The following MIX23 variants were observed in gnomAD, a reference collection of about 807,000 sequenced individuals.
MIX23 encodes mitochondrial matrix import factor 23, also known as protein MIX23.
In MIX23, 13 loss-of-function variants were observed where a neutral mutation model predicts 21.6. That is an observed-to-expected ratio of 0.60 (90% CI 0.39 to 0.96). The LOEUF (loss-of-function observed/expected upper bound fraction) is 0.96, where lower values mean the gene tolerates loss of function less well. Among genes scored for constraint, MIX23 ranks in the 40% least tolerant of loss-of-function variants. The probability of loss-of-function intolerance (pLI) is 0.00; values close to 1 mark genes in which losing one functional copy is unlikely to be tolerated. For missense variants in MIX23, 144 were observed against 171.2 expected, an observed-to-expected ratio of 0.84 and a Z score of 0.89; for synonymous variants, 59 against 58.0, an observed-to-expected ratio of 1.02 and a Z score of -0.08.
At chr3:122,377,961 G>A (rs1156680937) in intron 1 of MIX23, among the ~76,000 whole-genome samples, 1 of 152,204 alleles carries the variant, frequency 6.6e-6, no homozygotes, top group African/African-American at 2.4e-5. Context: ...GACTGAAAAG[G>A]TAATGTGGCT....
chr3:122,360,226 C>T (rs1329648777), intron 4 of MIX23, among the ~76,000 whole-genome samples: 1 of 152,132 alleles, frequency 6.6e-6, no homozygotes, highest in Non-Finnish European at 1.5e-5. Context: ...ATATTCTGGA[C>T]ATTTTTTAAA....
chr3:122,374,564 T>C (rs1170392274), intron 1 of MIX23, among the ~76,000 whole-genome samples: 1 of 152,122 alleles, frequency 6.6e-6, no homozygotes, highest in Non-Finnish European at 1.5e-5. Context: ...ACAAGAAAAA[T>C]GTCTGTACAT....
At chr3:122,383,098 C>T in intron 1 of MIX23, 76 bp downstream of exon 1, 1 of 1,535,810 alleles carries the variant, frequency 6.5e-7, no homozygotes, top group Non-Finnish European at 9.0e-7. Flanking sequence ...CTGGTTCATA[C>T]TCCCTCGCAA....
intron 1 of MIX23, among the ~76,000 whole-genome samples, chr3:122,374,504 A>C (rs1377916684): frequency 6.6e-6 from 1 of 152,226 alleles, no homozygotes; most frequent in African/African-American, 2.4e-5. Flanking sequence ...ATACAATATA[A>C]ATGCTATGTA....
At chr3:122,370,707 C>G (rs1222898050) in intron 2 of MIX23, among the ~76,000 whole-genome samples, 2 of 152,110 alleles carry the variant, frequency 1.3e-5, no homozygotes, top group East Asian at 3.9e-4. Context: ...GTTCTTCAGA[C>G]AGAGGTACCC....
intron 2 of MIX23, 38 bp downstream of exon 2, chr3:122,371,637 G>T: frequency 6.2e-7 from 1 of 1,606,670 alleles, no homozygotes; most frequent in African/African-American, 1.3e-5. Flanking sequence ...TGCAAAGAAA[G>T]GCATGAAAGA....
intron 3 of MIX23, among the ~76,000 whole-genome samples, chr3:122,367,568 G>A (rs1367682060): frequency 6.6e-6 from 1 of 152,206 alleles, no homozygotes; most frequent in African/African-American, 2.4e-5. Context: ...TGCAGGGATA[G>A]GGGAGGAAAT....
intron 3 of MIX23, among the ~76,000 whole-genome samples, chr3:122,363,396 A>G (rs1430032836): frequency 2.6e-5 from 4 of 151,906 alleles, no homozygotes; most frequent in African/African-American, 9.7e-5. Flanking sequence ...CAGAATGAAT[A>G]AGTTTGATAA....
At chr3:122,368,034 C>A in intron 3 of MIX23, 142 bp downstream of exon 3, 1 of 686,176 alleles carries the variant, frequency 1.5e-6, no homozygotes, top group Non-Finnish European at 2.5e-6. Flanking sequence ...ATAAAGCTCA[C>A]TAAAAATGAA....
chr3:122,363,738 C>T (rs776764602), intron 3 of MIX23, among the ~76,000 whole-genome samples: 6 of 151,744 alleles, frequency 4.0e-5, no homozygotes, highest in Non-Finnish European at 7.4e-5. Flanking sequence ...AGTCAGAGGT[C>T]TCAGGCTAAA....
intron 1 of MIX23, among the ~76,000 whole-genome samples, chr3:122,373,277 T>A (rs926102851): frequency 4.6e-4 from 51 of 110,518 alleles, no homozygotes; most frequent in Non-Finnish European, 9.6e-4. Context: ...GTCTTGAAAG[T>A]TTTTTTTTTT....
At chr3:122,371,143 A>AG (rs1225913640) in intron 2 of MIX23, among the ~76,000 whole-genome samples, 1 of 152,232 alleles carries the variant, frequency 6.6e-6, no homozygotes, top group Non-Finnish European at 1.5e-5. Context: ...AGAGAAATAA[A>AG]GGGGGGCAAT....
rs762923465 is a variant in MIX23 at position 122,368,290 on chromosome 3, G to T, written c.210C>A (p.Val70=). 4 of 1,606,296 alleles carry T rather than the reference G, an allele frequency of 2.5e-6. No homozygotes were observed. In the African/African-American group the frequency reaches 4.1e-5, roughly 16 times the overall value. The stretch of plus-strand genomic sequence containing the variant: ...AAGTCTGGGCTATACAGTTTTTTAT[G>T]ACTCTGTCTCTACTGGCATGAGCTG... The part of the protein sequence containing the change: ...LMAAHASRDR[V]IKNCIAQTSA... Residue 70 remains valine, a synonymous_variant, in exon 3 of 5, where the codon GTC becomes GTA. Transcript: ENST00000291458.
At chr3:122,368,108 A>G (rs2075410497) in intron 3 of MIX23, 68 bp downstream of exon 3, 1 of 1,503,134 alleles carries the variant, frequency 6.7e-7, no homozygotes, top group Admixed American at 1.8e-5. Flanking sequence ...TTTCATATTA[A>G]AAATCTTACT....
intron 2 of MIX23, among the ~76,000 whole-genome samples, chr3:122,369,348 A>G (rs1362352045): frequency 1.3e-5 from 2 of 152,218 alleles, no homozygotes; most frequent in Non-Finnish European, 2.9e-5. Flanking sequence ...CCTAGGAAGA[A>G]GCGTTATTTG....
chr3:122,369,443 T>A (rs1303293757), intron 2 of MIX23, among the ~76,000 whole-genome samples: 1 of 152,206 alleles, frequency 6.6e-6, no homozygotes, highest in Non-Finnish European at 1.5e-5. Flanking sequence ...CTTGGATATT[T>A]CATAGAGTTC....
rs575324643 is a variant in MIX23, at chr3:122,374,829, T to C, written c.52-3029A>G. ...TAATCTCAGATACTAAAAAGTACTATGAAAAAGAAAACAAACTAAGGTGAT... is the reference window on the plus strand; with the variant it reads ...TAATCTCAGATACTAAAAAGTACTACGAAAAAGAAAACAAACTAAGGTGAT... On this transcript the variant is annotated intron_variant, in intron 1 of 4. Coordinates refer to ENST00000291458, the MANE Select transcript of MIX23 (RefSeq NM_001017928.4). Among the ~76,000 whole-genome samples the C allele has an allele frequency of 1.3e-3, 200 of 152,282 alleles. 1 individual carries two copies. Among genetic ancestry groups the C allele is most frequent in the African/African-American group, 4.6e-3 (190 of 41,554 alleles).
intron 1 of MIX23, among the ~76,000 whole-genome samples, chr3:122,379,549 C>T (rs953717754): frequency 6.6e-6 from 1 of 152,180 alleles, no homozygotes; most frequent in African/African-American, 2.4e-5. Context: ...TGTGGATCAT[C>T]CATAAGGAAT....
At chr3:122,377,703 C>T (rs1026596771) in intron 1 of MIX23, among the ~76,000 whole-genome samples, 6 of 152,042 alleles carry the variant, frequency 3.9e-5, no homozygotes, top group Non-Finnish European at 5.9e-5. Context: ...AAAAATTTAG[C>T]CAAGCATGGT....
Sources: allele counts gnomAD v4.1 joint callset (sites outside exome capture counted in the v4.1 genomes callset), GRCh38; gene constraint gnomAD v4.1.1; transcripts MANE v1.5; gene names NCBI Gene and HGNC (gene_info 2026-07-23, HGNC 2026-07-21).